Variants in EXOC6B observed in about 807,000 individuals in gnomAD.
The protein encoded by EXOC6B is exocyst complex component 6B, also known as SEC15 homolog B.
Under a neutral mutation model 113.5 loss-of-function variants are expected in EXOC6B, and 54 were observed. The ratio of observed to expected loss-of-function variants is 0.48; its 90% confidence interval spans 0.38 to 0.60. EXOC6B has a LOEUF of 0.60. Ranked by LOEUF, EXOC6B falls within the 20% of genes least tolerant of loss-of-function variation. The probability of loss-of-function intolerance (pLI) is 0.00; values close to 1 mark genes in which losing one functional copy is unlikely to be tolerated. For synonymous variants in EXOC6B, 357 were observed against 339.0 expected, an observed-to-expected ratio of 1.05 and a Z score of -0.58; for missense variants, 797 against 977.5, an observed-to-expected ratio of 0.82 and a Z score of 2.46.
intron 20 of EXOC6B, among the ~76,000 whole-genome samples, chr2:72,306,868 C>A (rs1485484901): frequency 1.3e-5 from 2 of 152,178 alleles, no homozygotes; most frequent in African/African-American, 4.8e-5. Flanking sequence ...TCATACATTT[C>A]TAGATAATTC....
rs1384895293 is a variant in EXOC6B at position 72,401,578 on chromosome 2, T to TACAC, written c.1981-21709_1981-21708insGTGT. Among the ~76,000 whole-genome samples the TACAC allele has an allele frequency of 1.3e-3, 31 of 24,200 alleles. 4 individuals are homozygous for TACAC. The highest frequency in any genetic ancestry group is 0.011 in the Admixed American group (17 of 1,550). The allele number at this position is 24,200 out of a possible 152,430, so 15.9% of individuals were successfully genotyped here. The stretch of plus-strand genomic sequence containing the variant: ...ATATATATATATACATATATATATA[T>TACAC]ATACATATATATATATATATATATG... On this transcript the variant is annotated intron_variant, in intron 18 of 21. Coordinates refer to ENST00000272427, the MANE Select transcript of EXOC6B (RefSeq NM_015189.3).
intron 1 of EXOC6B, among the ~76,000 whole-genome samples, chr2:72,768,231 T>C (rs1573765229): frequency 6.6e-6 from 1 of 150,698 alleles, no homozygotes; most frequent in East Asian, 1.9e-4. Context: ...AACAATGATA[T>C]TTTCACATCA....
intron 20 of EXOC6B, among the ~76,000 whole-genome samples, chr2:72,332,707 A>G (rs1688475271): frequency 6.6e-6 from 1 of 152,136 alleles, no homozygotes; most frequent in African/African-American, 2.4e-5. Flanking sequence ...GTTATACTAC[A>G]TAATTTTTGA....
At chr2:72,685,149 T>C (rs1676987716) in intron 6 of EXOC6B, among the ~76,000 whole-genome samples, 1 of 152,156 alleles carries the variant, frequency 6.6e-6, no homozygotes, top group South Asian at 2.1e-4. Context: ...TTGTAAGAGA[T>C]TAATCATATT....
chr2:72,519,285 T>G (rs991551310), intron 8 of EXOC6B, among the ~76,000 whole-genome samples: 1 of 152,124 alleles, frequency 6.6e-6, no homozygotes, highest in Non-Finnish European at 1.5e-5. Context: ...GTGCCACATT[T>G]TTTACATTTT....
intron 8 of EXOC6B, among the ~76,000 whole-genome samples, chr2:72,552,608 C>T (rs1367974994): frequency 1.3e-5 from 2 of 151,786 alleles, no homozygotes; most frequent in Non-Finnish European, 2.9e-5. Flanking sequence ...GGCCAAACCA[C>T]AAACACAAAA....
At chr2:72,492,902 T>C (rs1699825867) in intron 15 of EXOC6B, among the ~76,000 whole-genome samples, 1 of 152,156 alleles carries the variant, frequency 6.6e-6, no homozygotes, top group Non-Finnish European at 1.5e-5. Context: ...GAATTAGGGT[T>C]CTCAAAATCT....
In EXOC6B at chr2:72,646,198, A is replaced by C. The variant is rs1311790899; in HGVS notation, c.670-70530T>G. 4.6e-5 allele frequency among the ~76,000 whole-genome samples: 7 copies of C among 152,184 alleles called. 1 individual carries two copies. Among genetic ancestry groups the C allele is most frequent in the Admixed American group, 4.6e-4 (7 of 15,280 alleles). ...AGATAAACTAGAAAATCTAGAAGAA[A>C]TGGATAAATTCCTCGACACATACAC... On this transcript the variant is annotated intron_variant, in intron 6 of 21. Transcript: ENST00000272427.
intron 19 of EXOC6B, among the ~76,000 whole-genome samples, chr2:72,356,354 G>A (rs1279960517): frequency 6.6e-6 from 1 of 152,124 alleles, no homozygotes. Context: ...TAACTAGACA[G>A]TTTGATTTTC....
intron 18 of EXOC6B, among the ~76,000 whole-genome samples, chr2:72,415,003 T>C (rs1449467934): frequency 6.6e-6 from 1 of 152,084 alleles, no homozygotes; most frequent in Non-Finnish European, 1.5e-5. Context: ...GTTGGCTGAG[T>C]TAAGTTGATA....
intron 19 of EXOC6B, among the ~76,000 whole-genome samples, chr2:72,360,309 A>G (rs960321484): frequency 3.3e-5 from 5 of 151,948 alleles, no homozygotes; most frequent in African/African-American, 1.2e-4. Context: ...GCTGGTCTTA[A>G]ACTCCTGAGC....
At chr2:72,258,442 C>T (rs1402142628) in intron 20 of EXOC6B, among the ~76,000 whole-genome samples, 1 of 148,200 alleles carries the variant, frequency 6.7e-6, no homozygotes, top group Non-Finnish European at 1.5e-5. Flanking sequence ...TGGCTCACTG[C>T]AGCATTGACC....
chr2:72,508,112 A>G (rs1466041209), intron 11 of EXOC6B, among the ~76,000 whole-genome samples: 1 of 147,436 alleles, frequency 6.8e-6, no homozygotes, highest in Non-Finnish European at 1.5e-5. Flanking sequence ...CAGTAATACT[A>G]GTTAATAAAT....
At chr2:72,764,558 G>A (rs1297942060) in intron 1 of EXOC6B, among the ~76,000 whole-genome samples, 3 of 151,432 alleles carry the variant, frequency 2.0e-5, no homozygotes, top group South Asian at 4.2e-4. Flanking sequence ...TTGTAGAGAT[G>A]GGGTCTCACT....
rs559233129 is a variant in EXOC6B, at chr2:72,530,919, C to T, written c.916-15793G>A. On this transcript the variant is annotated intron_variant, in intron 8 of 21. Transcript: ENST00000272427. ...TCTGCTTTTCTTTGATCAACATTTG[C>T]ATGTTGTATTTTTCCCTTCCTTTTC... Among the ~76,000 whole-genome samples, 11 of 152,166 alleles carry T rather than the reference C, an allele frequency of 7.2e-5. No homozygotes were observed. In the East Asian group the frequency reaches 2.1e-3, roughly 29 times the overall value.
chr2:72,509,828 T>C (rs947343404), intron 11 of EXOC6B, among the ~76,000 whole-genome samples: 6 of 152,014 alleles, frequency 3.9e-5, no homozygotes, highest in African/African-American at 1.4e-4. Flanking sequence ...ATTTATTTCT[T>C]TTTATTTATT....
At chr2:72,432,297 A>G (rs1035427888) in intron 18 of EXOC6B, among the ~76,000 whole-genome samples, 4 of 151,868 alleles carry the variant, frequency 2.6e-5, no homozygotes, top group African/African-American at 4.8e-5. Flanking sequence ...CAGCCTCCCA[A>G]GCCACATTTT....
intron 11 of EXOC6B, among the ~76,000 whole-genome samples, chr2:72,504,616 T>C (rs1027712984): frequency 6.6e-6 from 1 of 152,204 alleles, no homozygotes; most frequent in Admixed American, 6.5e-5. Context: ...TCTTGCATGT[T>C]TATTATGGTG....
chr2:72,525,141 A>C (rs1001086543), intron 8 of EXOC6B, among the ~76,000 whole-genome samples: 2 of 152,234 alleles, frequency 1.3e-5, no homozygotes, highest in Admixed American at 6.5e-5. Flanking sequence ...AAGAAATCTG[A>C]TGTTTGATGA....
Sources: gnomAD v4.1 joint callset for allele counts (sites outside exome capture counted in the v4.1 genomes callset) on GRCh38, gnomAD v4.1.1 for gene constraint, MANE v1.5 for transcripts, NCBI Gene and HGNC (gene_info 2026-07-23, HGNC 2026-07-21) for gene names.